Variants in ACTR3 observed in about 807,000 individuals in gnomAD.
The protein encoded by ACTR3 is actin related protein 3, also known as actin-related protein 3.
In ACTR3, 12 loss-of-function variants were observed where a neutral mutation model predicts 56.8. The observed-to-expected ratio is 0.21, with a 90% CI of 0.14 to 0.34. The LOEUF is 0.34. Among genes scored for constraint, ACTR3 ranks in the 10% least tolerant of loss-of-function variants. The pLI, the probability that ACTR3 is intolerant of heterozygous loss-of-function variation, is 1.00. For missense variants in ACTR3, 282 were observed against 512.5 expected (o/e 0.55, Z 4.34); for synonymous variants, 162 against 167.4 (o/e 0.97, Z 0.25).
At chr2:113,901,186 C>T (rs542965694) in intron 1 of ACTR3, among the ~76,000 whole-genome samples, 45 of 152,274 alleles carry the variant, frequency 3.0e-4, no homozygotes, top group African/African-American at 9.4e-4. Context: ...GGCGTGGTGG[C>T]GTGTGCCTGT....
At chr2:113,908,211 T>C (rs1236211937) in intron 1 of ACTR3, among the ~76,000 whole-genome samples, 1 of 151,096 alleles carries the variant, frequency 6.6e-6, no homozygotes, top group East Asian at 1.9e-4. Context: ...AAATTACAAT[T>C]TAAAAAGTTC....
intron 1 of ACTR3, among the ~76,000 whole-genome samples, chr2:113,907,179 T>TGTA (rs1679211011): frequency 6.6e-6 from 1 of 152,250 alleles, no homozygotes; most frequent in Admixed American, 6.5e-5. Flanking sequence ...GGTTGTTTAC[T>TGTA]AGCTGTCCAA....
At chr2:113,954,621 A>G (rs950192637) in intron 10 of ACTR3, 15 of 151,494 alleles carry the variant, frequency 9.9e-5, no homozygotes, top group African/African-American at 3.4e-4. Context: ...GAGTTATTCA[A>G]ATGGCTCTTA....
chr2:113,955,528 G>T (rs1680193586), intron 10 of ACTR3, 95 bp from the exon 11 acceptor site: 1 of 888,760 alleles, frequency 1.1e-6, no homozygotes. Context: ...ATTTAGTACA[G>T]ATATTATTTT....
chr2:113,895,239 T>C (rs748482243), intron 1 of ACTR3, among the ~76,000 whole-genome samples: 21 of 152,192 alleles, frequency 1.4e-4, no homozygotes, highest in Non-Finnish European at 2.1e-4. Context: ...TATTATCTCA[T>C]TAACTTTCAC....
intron 8 of ACTR3, 25 bp from the exon 9 acceptor site, chr2:113,951,454 A>G (rs772103920): frequency 6.8e-7 from 1 of 1,479,278 alleles, no homozygotes; most frequent in Non-Finnish European, 9.4e-7. Flanking sequence ...TATGATCTCT[A>G]TTATATATCC....
At chr2:113,900,025 TA>T (rs910796274) in intron 1 of ACTR3, among the ~76,000 whole-genome samples, 3 of 141,762 alleles carry the variant, frequency 2.1e-5, no homozygotes, top group African/African-American at 7.9e-5. Context: ...AAAAGAGTGA[TA>T]AAAGGTAAAT....
rs1339511017 is a variant in ACTR3, at chr2:113,961,982, C to T, written c.*4527C>T. ...CATCTGCTTTATTCATTTCATATTT[C>T]CAGTGCCTGACATATTGCTTGGCAT... On this transcript the variant is annotated 3_prime_UTR_variant, in exon 12 of 12. Transcript: ENST00000263238. 6.6e-6 allele frequency: 1 copy of T among 151,960 alleles called. No homozygotes were observed. Among genetic ancestry groups the T allele is most frequent in the Non-Finnish European group, 1.5e-5 (1 of 67,890 alleles). The allele number at this position is 151,960 out of a possible 1,614,324, so 9.4% of individuals were successfully genotyped here.
intron 1 of ACTR3, among the ~76,000 whole-genome samples, chr2:113,896,035 T>A (rs957979848): frequency 1.3e-5 from 2 of 152,110 alleles, no homozygotes; most frequent in Non-Finnish European, 1.5e-5. Flanking sequence ...CTTTTAAAAA[T>A]TTTTTGTAGA....
At chr2:113,893,453 C>T (rs1678945690) in intron 1 of ACTR3, among the ~76,000 whole-genome samples, 1 of 152,008 alleles carries the variant, frequency 6.6e-6, no homozygotes, top group Non-Finnish European at 1.5e-5. Flanking sequence ...GCCACCACAC[C>T]CAGTTAATTT....
At chr2:113,943,892 G>A (rs10199930) in intron 8 of ACTR3, among the ~76,000 whole-genome samples, 4,019 of 152,306 alleles carry the variant, frequency 0.026, 137 homozygotes, top group African/African-American at 0.076. Flanking sequence ...TGGCTGAGAA[G>A]GGGCTGTGGA....
intron 3 of ACTR3, among the ~76,000 whole-genome samples, chr2:113,920,481 T>TA (rs773626271): frequency 2.6e-5 from 4 of 152,256 alleles, no homozygotes; most frequent in Admixed American, 6.5e-5. Context: ...CTCAAACACT[T>TA]ATTTTTTTGT....
intron 1 of ACTR3, among the ~76,000 whole-genome samples, chr2:113,894,809 G>A (rs1460875615): frequency 1.3e-5 from 2 of 152,096 alleles, no homozygotes; most frequent in African/African-American, 4.8e-5. Context: ...CCTTTTTGAT[G>A]CCGTCTACCT....
In ACTR3 at chr2:113,890,819, G is replaced by T. The variant is rs1172490871; in HGVS notation, c.44+496G>T. The stretch of plus-strand genomic sequence containing the variant: ...TCGCTGTGACAACATTCTGCCCAGG[G>T]TGTGGGTGGGGAAAGGGAAGAATCG... On this transcript the variant is annotated intron_variant, in intron 1 of 11. Transcript: ENST00000263238. The T allele has an allele frequency of 3.0e-6, 3 of 992,098 alleles. No individual in the cohort carries two copies. The African/African-American group carries it at 5.2e-5, about 17-fold the overall frequency. 61.5% of individuals were successfully genotyped at this position (992,098 alleles called of 1,614,324 possible). A position where few individuals can be genotyped will look rare whatever the true frequency, so the allele number is the denominator to read the frequency against.
At chr2:113,907,922 C>G (rs887540726) in intron 1 of ACTR3, among the ~76,000 whole-genome samples, 2 of 143,810 alleles carry the variant, frequency 1.4e-5, no homozygotes, top group Non-Finnish European at 3.0e-5. Flanking sequence ...TGTGGTGAGC[C>G]GAGATCTCGC....
At position 113,890,160 on chromosome 2, in the gene ACTR3, C is replaced by G. The variant is rs970262507; in HGVS notation, c.-120C>G. ...CTGCTTCGGCTTCCCGGCTACCCCC[C>G]GGACGGTGAAGGCGGCCCAGCTGTG... On this transcript the variant is annotated 5_prime_UTR_variant, in exon 1 of 12. Coordinates refer to ENST00000263238, the MANE Select transcript of ACTR3 (RefSeq NM_005721.5). 27 of 1,347,186 alleles carry G rather than the reference C, an allele frequency of 2.0e-5. No individual in the cohort carries two copies. The East Asian group carries it at 6.5e-4, about 32-fold the overall frequency. 83.5% of individuals were successfully genotyped at this position (1,347,186 alleles called of 1,614,324 possible).
At chr2:113,890,405 A>G in intron 1 of ACTR3, 82 bp downstream of exon 1, 1 of 1,402,460 alleles carries the variant, frequency 7.1e-7, no homozygotes, top group South Asian at 1.4e-5. Flanking sequence ...CGGGAAATGA[A>G]TGGTGCGGCG....
chr2:113,949,573 T>G (rs1190639647), intron 8 of ACTR3, among the ~76,000 whole-genome samples: 2 of 151,966 alleles, frequency 1.3e-5, no homozygotes, highest in African/African-American at 4.8e-5. Flanking sequence ...TTTTGATTAT[T>G]TATTTAGAGA....
chr2:113,928,022 T>C (rs1679651228), intron 4 of ACTR3, among the ~76,000 whole-genome samples: 1 of 150,748 alleles, frequency 6.6e-6, no homozygotes, highest in Non-Finnish European at 1.5e-5. Flanking sequence ...TTCTTTTATT[T>C]AACATTTTTT....
Sources: gnomAD v4.1 joint callset for allele counts (sites outside exome capture counted in the v4.1 genomes callset) on GRCh38, gnomAD v4.1.1 for gene constraint, MANE v1.5 for transcripts, NCBI Gene and HGNC (gene_info 2026-07-23, HGNC 2026-07-21) for gene names.